PNLDC1: variants seen among roughly 807,000 people sequenced by gnomAD.
The protein encoded by PNLDC1 is PARN like ribonuclease domain containing exonuclease 1.
PNLDC1 carries 70 observed loss-of-function variants against 82.0 expected under a neutral mutation model. The observed-to-expected ratio is 0.85, with a 90% CI of 0.70 to 1.04. PNLDC1 has a LOEUF of 1.04. PNLDC1 is among the 50% of genes least tolerant of loss of function. PNLDC1 has a pLI of 0.00. For missense variants in PNLDC1, 631 were observed against 661.1 expected, an observed-to-expected ratio of 0.95 and a Z score of 0.50; for synonymous variants, 280 against 249.3, an observed-to-expected ratio of 1.12 and a Z score of -1.16.
At chr6:159,817,787 T>C (rs1426998813) in intron 15 of PNLDC1, among the ~76,000 whole-genome samples, 2 of 152,252 alleles carry the variant, frequency 1.3e-5, no homozygotes, top group African/African-American at 2.4e-5. Context: ...TAATGTGTGC[T>C]TTGGGATTGA....
In PNLDC1 at chr6:159,809,227, G is replaced by C. The variant is rs73589360; in HGVS notation, c.783+69G>C. 5.6e-3 allele frequency: 8,655 copies of C among 1,544,798 alleles called. 383 individuals are homozygous for C. In the African/African-American group the frequency reaches 0.1, roughly 18 times the overall value. Reference sequence around the variant, plus strand: ...GTATTTCTGGTCATAGATACTAAAGGCTCCTTCAACAACAAGATAAAATTC... The same window carrying C: ...GTATTTCTGGTCATAGATACTAAAGCCTCCTTCAACAACAAGATAAAATTC... On this transcript the variant is annotated intron_variant, in intron 9 of 18. Transcript: ENST00000392167.
chr6:159,812,955 T>C (rs922332682), intron 11 of PNLDC1, among the ~76,000 whole-genome samples: 5 of 151,872 alleles, frequency 3.3e-5, no homozygotes, highest in East Asian at 1.9e-4. Flanking sequence ...GCCCGGGAAG[T>C]GGAGATTGCA....
intron 10 of PNLDC1, among the ~76,000 whole-genome samples, chr6:159,810,649 A>T (rs1244954803): frequency 6.6e-6 from 1 of 152,164 alleles, no homozygotes; most frequent in Non-Finnish European, 1.5e-5. Context: ...TGGTGATCTC[A>T]TCCATCCCAC....
chr6:159,809,963 T>TA lies in PNLDC1; in HGVS notation c.784-62dup, dbSNP rs1165098914. 3.1e-5 allele frequency: 41 copies of TA among 1,343,574 alleles called. 1 individual carries two copies. The highest frequency in any genetic ancestry group is 4.2e-5 in the Non-Finnish European group (39 of 935,510). 83.2% of individuals were successfully genotyped at this position (1,343,574 alleles called of 1,614,324 possible). The stretch of plus-strand genomic sequence containing the variant: ...CACTATATCTTTTGCAAGAAACTGT[T>TA]AGTCTGTAGTGTCTGGATTACATTT... On this transcript the variant is annotated intron_variant, in intron 9 of 18. Coordinates refer to ENST00000392167, the MANE Select transcript of PNLDC1 (RefSeq NM_001271862.2).
At chr6:159,805,720 C>G in intron 6 of PNLDC1, 2 of 426,060 alleles carry the variant, frequency 4.7e-6, no homozygotes, top group Non-Finnish European at 8.8e-6. Flanking sequence ...ATACCAATAG[C>G]TTTTCCTCCA....
intron 11 of PNLDC1, among the ~76,000 whole-genome samples, 163 bp from the exon 12 acceptor site, chr6:159,813,438 A>G (rs576317725): frequency 6.6e-6 from 1 of 152,348 alleles, no homozygotes; most frequent in Non-Finnish European, 1.5e-5. Context: ...GTACCCTGAC[A>G]TCCTAACTAA....
intron 7 of PNLDC1, 65 bp downstream of exon 7, chr6:159,806,148 T>G: frequency 3.9e-6 from 5 of 1,278,562 alleles, no homozygotes; most frequent in East Asian, 2.3e-5. Context: ...CTGCCAGGAG[T>G]TGGGGGAAAC....
At chr6:159,811,477 A>G (rs1422116582) in intron 10 of PNLDC1, among the ~76,000 whole-genome samples, 1 of 152,240 alleles carries the variant, frequency 6.6e-6, no homozygotes. Context: ...ATGCATCCTG[A>G]ATTTAATAGA....
rs530887566 is a variant in PNLDC1 at position 159,820,616 on chromosome 6, C to A, written c.*99C>A. 2.6e-4 allele frequency: 297 copies of A among 1,152,634 alleles called. 1 individual carries two copies. Among genetic ancestry groups the A allele is most frequent in the Middle Eastern group, 9.6e-4 (5 of 5,192 alleles). 71.4% of individuals were successfully genotyped at this position (1,152,634 alleles called of 1,614,324 possible). On this transcript the variant is annotated 3_prime_UTR_variant, in exon 19 of 19. Coordinates refer to ENST00000392167, the MANE Select transcript of PNLDC1 (RefSeq NM_001271862.2). ...AATCAGATTCTGTTTGCAGATGGAT[C>A]TGTTTGGTCTTTTCTAGAAATTCTG...
In PNLDC1 at chr6:159,819,123, T is replaced by C; in HGVS notation, c.1433+2T>C. ...ACTCCTGACCAATAAGTTTAAGGAG[T>C]AGGTGCCTCTAAGTCCGCGTCCCCC... On this transcript the variant is annotated splice_donor_variant, in intron 17 of 18. Transcript: ENST00000392167. LOFTEE classifies it high-confidence loss of function. The surrounding 1 kb of genome is among the most constrained non-coding windows in gnomAD (Gnocchi z 4.6). 3 of 1,613,376 alleles carry C rather than the reference T, an allele frequency of 1.9e-6. No homozygotes were observed. Among genetic ancestry groups the C allele is most frequent in the Non-Finnish European group, 2.5e-6 (3 of 1,179,684 alleles).
At chr6:159,800,504 A>AG (rs779464291) in intron 1 of PNLDC1, 121 bp downstream of exon 1, 23 of 1,317,742 alleles carry the variant, frequency 1.7e-5, no homozygotes, top group Non-Finnish European at 2.4e-5. Flanking sequence ...CGGGAAGGAC[A>AG]GGGGGGCTTC....
In PNLDC1 at chr6:159,819,258, C is replaced by A; in HGVS notation, c.1438C>A (p.Arg480=). 1 of 1,613,832 alleles carries A rather than the reference C, an allele frequency of 6.2e-7. No individual in the cohort carries two copies. The change falls in exon 18 of 19, where the codon CGG becomes AGG. Residue 480 remains arginine (R), a synonymous_variant. Transcript: ENST00000392167. The surrounding 1 kb of genome is among the most constrained non-coding windows in gnomAD (Gnocchi z 4.6). Reference sequence around the variant, plus strand: ...ACAGCAAACTTGTTTTGGCAGTGCGCGGAACATCCTGAAGGAGTACCGGGA... The same window carrying A: ...ACAGCAAACTTGTTTTGGCAGTGCGAGGAACATCCTGAAGGAGTACCGGGA... ...LLLTNKFKDA[R]NILKEYRDHP...
At chr6:159,818,469 G>A (rs1781913938) in intron 15 of PNLDC1, 86 bp from the exon 16 acceptor site, 1 of 1,235,226 alleles carries the variant, frequency 8.1e-7, no homozygotes, top group African/African-American at 1.5e-5. Context: ...GTGTCCTTCT[G>A]TTCTGTCACC....
chr6:159,804,134 T>C, intron 5 of PNLDC1, 46 bp downstream of exon 5: 1 of 1,600,932 alleles, frequency 6.2e-7, no homozygotes, highest in Non-Finnish European at 8.5e-7. Flanking sequence ...TGTTTGTTTC[T>C]GAGATGGAGT....
rs1562501254 is a variant in PNLDC1 at position 159,810,017 on chromosome 6, T to C, written c.784-9T>C. On this transcript the variant is annotated splice_polypyrimidine_tract_variant and intron_variant, in intron 9 of 18. Coordinates refer to ENST00000392167, the MANE Select transcript of PNLDC1 (RefSeq NM_001271862.2). Reference sequence around the variant, plus strand: ...TATTTTCTCTCACCTGTTGATTTACTCCAAGTAGCCCTTAGTGGGACATAA... The same window carrying C: ...TATTTTCTCTCACCTGTTGATTTACCCCAAGTAGCCCTTAGTGGGACATAA... 8 of 1,611,918 alleles carry C rather than the reference T, an allele frequency of 5.0e-6. No homozygotes were observed. The highest frequency in any genetic ancestry group is 6.8e-6 in the Non-Finnish European group (8 of 1,178,042).
Position 159,813,646 on chromosome 6 carries a change from G to A in PNLDC1, c.985G>A (p.Val329Ile). ...GTCGAATCTTTCGGAAGTCTATGAAGTCCTGAACAGGTGAGGACGGCGATT... is the reference window on the plus strand; with the variant it reads ...GTCGAATCTTTCGGAAGTCTATGAAATCCTGAACAGGTGAGGACGGCGATT... ...RVSNLSEVYE[V>I]LNSDLNPTKN... The change falls in exon 12 of 19, where the codon GTC becomes ATC. Residue 329 changes from valine (V) to isoleucine (I), a missense_variant. Val to Ile is a conservative substitution (Grantham distance 29). Transcript: ENST00000392167. The A allele has an allele frequency of 6.2e-7, 1 of 1,613,934 alleles. No individual in the cohort carries two copies. The highest frequency in any genetic ancestry group is 1.1e-5 in the South Asian group (1 of 91,086).
chr6:159,816,997 G>A, intron 14 of PNLDC1, 112 bp from the exon 15 acceptor site: 1 of 1,136,330 alleles, frequency 8.8e-7, no homozygotes, highest in Non-Finnish European at 1.3e-6. Context: ...GTATGCCCCT[G>A]CCGTCCCTAG....
intron 12 of PNLDC1, among the ~76,000 whole-genome samples, chr6:159,815,295 G>A (rs1028664497): frequency 1.3e-5 from 2 of 152,114 alleles, no homozygotes; most frequent in Admixed American, 6.6e-5. Context: ...ACCCCACACC[G>A]CCCCTTGAGT....
upstream of PNLDC1, chr6:159,800,101 C>T (rs1217832650): frequency 9.7e-6 from 5 of 515,416 alleles, no homozygotes; most frequent in Admixed American, 1.3e-4. Context: ...TGCAATCAAA[C>T]CTCTGTAGCA....
Sources: gnomAD v4.1 joint callset for allele counts (sites outside exome capture counted in the v4.1 genomes callset) on GRCh38, gnomAD v4.1.1 for gene constraint, Gnocchi (gnomAD v3.1) non-coding constraint, MANE v1.5 for transcripts, NCBI Gene and HGNC (gene_info 2026-07-23, HGNC 2026-07-21) for gene names.